The following FUCA1 variants were observed in gnomAD, a reference collection of about 807,000 sequenced individuals.
The protein encoded by FUCA1 is tissue alpha-L-fucosidase.
In FUCA1, 52 loss-of-function variants were observed where a neutral mutation model predicts 56.8. The observed-to-expected ratio is 0.92, with a 90% confidence interval of 0.73 to 1.15. The LOEUF (loss-of-function observed/expected upper bound fraction) is 1.15. Ranked by LOEUF, FUCA1 falls within the 50% of genes most tolerant of loss-of-function variation. The pLI, the probability that FUCA1 is intolerant of heterozygous loss-of-function variation, is 0.00. For synonymous variants in FUCA1, 230 were observed against 226.6 expected (o/e 1.02, Z -0.14); for missense variants, 568 against 592.6 (o/e 0.96, Z 0.43).
chr1:23,852,432 A>C lies in FUCA1; in HGVS notation c.969+1928T>G, dbSNP rs1470648776. Among the ~76,000 whole-genome samples, 4 of 150,672 alleles carry C rather than the reference A, an allele frequency of 2.7e-5. No individual in the cohort carries two copies. In the East Asian group the frequency reaches 7.9e-4, roughly 30 times the overall value. ...GCAAGACCCCATTTCATTAAAAAAA[A>C]CAAAAAACTCCCCTCTCCCTCTCCC... On this transcript the variant is annotated intron_variant, in intron 5 of 7. Coordinates refer to ENST00000374479, the MANE Select transcript of FUCA1 (RefSeq NM_000147.5).
intron 3 of FUCA1, among the ~76,000 whole-genome samples, chr1:23,862,727 C>A (rs892503324): frequency 6.6e-6 from 1 of 152,124 alleles, no homozygotes; most frequent in Admixed American, 6.6e-5. Context: ...CATTATTATC[C>A]CCACTTTACA....
intron 4 of FUCA1, 103 bp from the exon 5 acceptor site, chr1:23,854,663 A>G: frequency 1.0e-6 from 1 of 981,638 alleles, no homozygotes; most frequent in Non-Finnish European, 1.6e-6. Context: ...AACTTAGTCT[A>G]GAGCAGTGGC....
Position 23,854,538 on chromosome 1 carries a change from C to A in FUCA1, c.791G>T (p.Arg264Leu). Residue 264 changes from arginine (R) to leucine (L), a missense_variant, in exon 5 of 8, where the codon CGA (arginine) becomes CTA (leucine). Arg to Leu is a moderately radical substitution (Grantham distance 102, BLOSUM62 -2). Coordinates refer to ENST00000374479, the MANE Select transcript of FUCA1 (RefSeq NM_000147.5). ...PVKDEVVVND[R>L]WGQNCSCHHG... ...GTGACAGGAACAGTTCTGACCCCAT[C>A]GGTCATTTACTACCACCTCATCCTA... The A allele has an allele frequency of 6.2e-7, 1 of 1,613,576 alleles. No individual in the cohort carries two copies. The highest frequency in any genetic ancestry group is 8.5e-7 in the Non-Finnish European group (1 of 1,179,530).
At chr1:23,861,424 C>A (rs1570686504) in intron 3 of FUCA1, among the ~76,000 whole-genome samples, 1 of 143,628 alleles carries the variant, frequency 7.0e-6, no homozygotes, top group Non-Finnish European at 1.5e-5. Context: ...TATCCTAAAA[C>A]TTAAAGTATA....
intron 4 of FUCA1, among the ~76,000 whole-genome samples, chr1:23,858,988 C>T (rs545652127): frequency 1.3e-5 from 2 of 151,996 alleles, no homozygotes; most frequent in Admixed American, 6.6e-5. Context: ...CACTACGTTG[C>T]CCAGGCTGGT....
intron 5 of FUCA1, among the ~76,000 whole-genome samples, chr1:23,849,286 T>A (rs563710779): frequency 6.6e-5 from 10 of 152,254 alleles, no homozygotes; most frequent in African/African-American, 2.2e-4. Flanking sequence ...GCACCTGAGC[T>A]AAAAATTCTC....
chr1:23,865,610 C>T lies in FUCA1; in HGVS notation c.405G>A (p.Thr135=), dbSNP rs145153173. The T allele has an allele frequency of 3.0e-4, 482 of 1,614,192 alleles. No homozygotes were observed. The highest frequency in any genetic ancestry group is 1.6e-3 in the South Asian group (146 of 91,082). The change falls in exon 2 of 8, where the codon ACG becomes ACA. Residue 135 remains threonine (T), a synonymous_variant. Coordinates refer to ENST00000374479, the MANE Select transcript of FUCA1 (RefSeq NM_000147.5). The stretch of plus-strand genomic sequence containing the variant: ...TTGTGAAGCCTTCGTGATGCTTTGT[C>T]GTCAAAACTACATACCTGTGGACAG... ...QAAGAKYVVL[T]TKHHEGFTNW...
At chr1:23,853,392 G>A (rs1465809024) in intron 5 of FUCA1, among the ~76,000 whole-genome samples, 5 of 146,974 alleles carry the variant, frequency 3.4e-5, no homozygotes, top group Non-Finnish European at 7.5e-5. Flanking sequence ...GAGGGAGGTG[G>A]GGGGGTCAGC....
rs1639471646 is a variant in FUCA1 at position 23,859,906 on chromosome 1, G to A, written c.663-3C>T. 6.4e-7 allele frequency: 1 copy of A among 1,570,558 alleles called. No individual in the cohort carries two copies. Among genetic ancestry groups the A allele is most frequent in the Non-Finnish European group, 8.8e-7 (1 of 1,140,580 alleles). On this transcript the variant is annotated splice_region_variant and splice_polypyrimidine_tract_variant and intron_variant, in intron 3 of 7. Coordinates refer to ENST00000374479, the MANE Select transcript of FUCA1 (RefSeq NM_000147.5). ...ACCAGATCAGATCAGGTTTATAGCT[G>A]GAAGACATGTGATCAGGACAGAGCT...
intron 4 of FUCA1, among the ~76,000 whole-genome samples, chr1:23,858,448 A>G (rs1435292310): frequency 6.6e-6 from 1 of 152,232 alleles, no homozygotes; most frequent in East Asian, 1.9e-4. Flanking sequence ...TTAAATCCAC[A>G]ACAAATCTAG....
rs764162683 is a variant in FUCA1, at chr1:23,845,850, T to C, written c.1266A>G (p.Thr422=). 1.9e-6 allele frequency: 3 copies of C among 1,614,180 alleles called. No homozygotes were observed. The highest frequency in any genetic ancestry group is 1.7e-5 in the Admixed American group (1 of 60,018). ...TCAGATCTCCTTGAATTCCCAGCAT[T>C]GTTATCTGCAGAAAACAAAAGGGAA... ...SPITTSTTKI[T]MLGIQGDLKW... The change falls in exon 8 of 8, where the codon ACA becomes ACG. Residue 422 remains threonine (T), a synonymous_variant. Transcript: ENST00000374479.
chr1:23,862,309 G>A (rs1639526187), intron 3 of FUCA1, among the ~76,000 whole-genome samples: 1 of 152,210 alleles, frequency 6.6e-6, no homozygotes, highest in South Asian at 2.1e-4. Flanking sequence ...GGGACTACAG[G>A]TATGCACCAG....
chr1:23,851,837 A>T (rs1570676337), intron 5 of FUCA1, among the ~76,000 whole-genome samples: 2 of 152,110 alleles, frequency 1.3e-5, no homozygotes, highest in Admixed American at 6.6e-5. Flanking sequence ...GAAGAGGAAC[A>T]TCACACACCA....
At position 23,854,380 on chromosome 1, in the gene FUCA1, C is replaced by T. The variant is rs779512930; in HGVS notation, c.949G>A (p.Glu317Lys). 67 of 1,613,792 alleles carry T rather than the reference C, an allele frequency of 4.2e-5. No homozygotes were observed. The highest frequency in any genetic ancestry group is 3.1e-5 in the Non-Finnish European group (37 of 1,179,926). ...CTTACCGAAATGATTTCAGATTCTTCTGTAACATCAGACAATGCCATGTCA... is the reference window on the plus strand; with the variant it reads ...CTTACCGAAATGATTTCAGATTCTTTTGTAACATCAGACAATGCCATGTCA... ...RRDMALSDVT[E>K]ESEIISELVQ... is the part of the protein sequence containing the mutation. Residue 317 changes from glutamate to lysine, a missense_variant, in exon 5 of 8, where the codon GAA becomes AAA. Coordinates refer to ENST00000374479, the MANE Select transcript of FUCA1 (RefSeq NM_000147.5).
rs1057521087 is a variant in FUCA1, at chr1:23,848,775, C to T, written c.1034G>A (p.Gly345Glu). The change falls in exon 6 of 8, where the codon GGA becomes GAA. Residue 345 changes from glycine to glutamate, a missense_variant. Physicochemically the swap from Gly to Glu is moderately conservative, Grantham distance 98. Transcript: ENST00000374479. The part of the protein sequence containing the change: ...YLLNIGPTKD[G>E]LIVPIFQERL... ...TTCTTGGAAGATGGGAACAATCAGT[C>T]CATCTTTAGTTGGTCCAATGTTCAG... 12 of 1,614,190 alleles carry T rather than the reference C, an allele frequency of 7.4e-6. No individual in the cohort carries two copies. The highest frequency in any genetic ancestry group is 1.0e-5 in the Non-Finnish European group (12 of 1,180,016).
chr1:23,846,939 T>C (rs1172476178), intron 6 of FUCA1, among the ~76,000 whole-genome samples: 2 of 152,020 alleles, frequency 1.3e-5, no homozygotes, highest in Admixed American at 6.6e-5. Context: ...CAACTTGCTG[T>C]GTTGTGCTGG....
In FUCA1 at chr1:23,845,685, C is replaced by G. The variant is rs558930131; in HGVS notation, c.*30G>C. The G allele has an allele frequency of 8.1e-6, 13 of 1,613,872 alleles. No individual in the cohort carries two copies. In the African/African-American group the frequency reaches 1.7e-4, roughly 22 times the overall value. On this transcript the variant is annotated 3_prime_UTR_variant, in exon 8 of 8. Coordinates refer to ENST00000374479, the MANE Select transcript of FUCA1 (RefSeq NM_000147.5). ...AAAACTGAAGCAGGAAAACAGTGAG[C>G]AGCGCCTCTTTCTTCTTGCACTCAA...
chr1:23,865,644 CA>C lies in FUCA1; in HGVS notation c.390-20del. On this transcript the variant is annotated intron_variant, in intron 1 of 7. Coordinates refer to ENST00000374479, the MANE Select transcript of FUCA1 (RefSeq NM_000147.5). ...TACATACCTGTGGACAGCAAAACCA[CA>C]TGAGCAAAGGAAGTGGGCAGTGAAC... The C allele has an allele frequency of 6.2e-7, 1 of 1,614,222 alleles. No homozygotes were observed. Among genetic ancestry groups the C allele is most frequent in the Non-Finnish European group, 8.5e-7 (1 of 1,180,046 alleles).
intron 5 of FUCA1, among the ~76,000 whole-genome samples, chr1:23,853,093 A>C (rs1639303059): frequency 5.1e-5 from 5 of 98,506 alleles, no homozygotes; most frequent in Admixed American, 1.1e-4. Context: ...CCGGCCGCCC[A>C]TCGTCTGAGA....
Sources: gnomAD v4.1 joint callset for allele counts (sites outside exome capture counted in the v4.1 genomes callset) on GRCh38, gnomAD v4.1.1 for gene constraint, MANE v1.5 for transcripts, NCBI Gene and HGNC (gene_info 2026-07-23, HGNC 2026-07-21) for gene names.